Variants in CDK19 observed in about 807,000 individuals in gnomAD.
CDK19 encodes the protein cyclin-dependent kinase 19.
In CDK19, 20 loss-of-function variants were observed where a neutral mutation model predicts 68.3. The observed-to-expected ratio is 0.29, with a 90% CI of 0.21 to 0.43. The LOEUF is 0.43. Among genes scored for constraint, CDK19 ranks in the 20% least tolerant of loss-of-function variants. CDK19 has a pLI of 1.00. For missense variants in CDK19, 339 were observed against 623.5 expected (o/e 0.54, Z 4.86); for synonymous variants, 221 against 222.8 (o/e 0.99, Z 0.07).
intron 2 of CDK19, among the ~76,000 whole-genome samples, chr6:110,709,502 T>C (rs1310035685): frequency 1.2e-5 from 1 of 85,242 alleles, no homozygotes; most frequent in Admixed American, 1.8e-4. Context: ...ACTTAAAGTA[T>C]AATTAAAAAA....
chr6:110,810,752 C>T (rs1222514823), intron 1 of CDK19, among the ~76,000 whole-genome samples: 1 of 145,336 alleles, frequency 6.9e-6, no homozygotes, highest in Non-Finnish European at 1.5e-5. Context: ...CCAGCCTGGG[C>T]AACAAGAGCA....
intron 1 of CDK19, among the ~76,000 whole-genome samples, chr6:110,746,820 A>G (rs1778107415): frequency 6.6e-6 from 1 of 152,240 alleles, no homozygotes; most frequent in Admixed American, 6.5e-5. Context: ...AACAATGGAC[A>G]TAGTATTAGG....
chr6:110,787,372 T>TAAAA (rs112341176), intron 1 of CDK19, among the ~76,000 whole-genome samples: 42,798 of 151,624 alleles, frequency 0.28, 6,680 homozygotes, highest in East Asian at 0.67. Context: ...AGGCTCTGTC[T>TAAAA]AAAACAAACA....
intron 4 of CDK19, among the ~76,000 whole-genome samples, chr6:110,660,058 C>G (rs561391058): frequency 2.1e-4 from 32 of 152,262 alleles, no homozygotes; most frequent in African/African-American, 7.2e-4. Context: ...ACTGGAACTC[C>G]TGGGCTCAAG....
In CDK19 at chr6:110,734,808, G is replaced by C. The variant is rs971602284; in HGVS notation, c.204+11318C>G. On this transcript the variant is annotated intron_variant, in intron 2 of 12. Transcript: ENST00000368911. ...TCTCCTCCAAAACTATAAACTTCTT[G>C]AGGGAAAGGGAAAAACTGTATTCAC... Among the ~76,000 whole-genome samples the C allele has an allele frequency of 4.6e-5, 7 of 152,074 alleles. 1 individual carries two copies. The highest frequency in any genetic ancestry group is 6.8e-3 in the Middle Eastern group (2 of 294).
chr6:110,668,167 T>C (rs1782061589), intron 3 of CDK19, among the ~76,000 whole-genome samples: 1 of 152,174 alleles, frequency 6.6e-6, no homozygotes, highest in Non-Finnish European at 1.5e-5. Context: ...CACGTTATAT[T>C]GTGGGTTATA....
In CDK19 at chr6:110,614,476, C is replaced by A; in HGVS notation, c.*59G>T. Reference sequence around the variant, plus strand: ...TGCATTTTTTTGGTTCTTTTCAATGCAGACATATTGCTGGAGCCTGTGCTC... The same window carrying A: ...TGCATTTTTTTGGTTCTTTTCAATGAAGACATATTGCTGGAGCCTGTGCTC... On this transcript the variant is annotated 3_prime_UTR_variant, in exon 13 of 13. Coordinates refer to ENST00000368911, the MANE Select transcript of CDK19 (RefSeq NM_015076.5). 14 of 1,561,930 alleles carry A rather than the reference C, an allele frequency of 9.0e-6. No homozygotes were observed. The South Asian group carries it at 1.4e-4, about 15-fold the overall frequency.
intron 1 of CDK19, among the ~76,000 whole-genome samples, chr6:110,748,387 A>C (rs1407237837): frequency 6.6e-6 from 1 of 152,254 alleles, no homozygotes; most frequent in East Asian, 1.9e-4. Flanking sequence ...AGGAACAAGG[A>C]ACAAACCCAG....
chr6:110,766,563 G>C (rs1301738244), intron 1 of CDK19, among the ~76,000 whole-genome samples: 1 of 151,974 alleles, frequency 6.6e-6, no homozygotes, highest in Non-Finnish European at 1.5e-5. Flanking sequence ...GGGCAACAGA[G>C]CGAGACTCTG....
chr6:110,796,604 G>A (rs78209225), intron 1 of CDK19, among the ~76,000 whole-genome samples: 9,555 of 152,014 alleles, frequency 0.063, 392 homozygotes, highest in Middle Eastern at 0.13. Flanking sequence ...AGCTGAGACC[G>A]TACCACTGCA....
At position 110,611,730 on chromosome 6, in the gene CDK19, G is replaced by A. The variant is rs896895956; in HGVS notation, c.*2805C>T. 1.3e-5 allele frequency: 2 copies of A among 152,018 alleles called. No homozygotes were observed. Among genetic ancestry groups the A allele is most frequent in the Non-Finnish European group, 2.9e-5 (2 of 68,162 alleles). 9.4% of individuals were successfully genotyped at this position (152,018 alleles called of 1,614,324 possible). The stretch of plus-strand genomic sequence containing the variant: ...GAACCTGGAAGGTGGAGGTTGGAGT[G>A]AGCCAAGATCGTGCCACTGCACTCC... On this transcript the variant is annotated 3_prime_UTR_variant, in exon 13 of 13. Transcript: ENST00000368911.
chr6:110,789,257 T>C (rs1781439350), intron 1 of CDK19, among the ~76,000 whole-genome samples: 1 of 152,138 alleles, frequency 6.6e-6, no homozygotes, highest in African/African-American at 2.4e-5. Context: ...TTTAAGTGTT[T>C]CTGTGCCTAA....
At chr6:110,806,657 T>C (rs540903405) in intron 1 of CDK19, among the ~76,000 whole-genome samples, 1 of 152,284 alleles carries the variant, frequency 6.6e-6, no homozygotes, top group East Asian at 1.9e-4. Flanking sequence ...TATATAGATA[T>C]GTCATAATGT....
chr6:110,698,528 G>T (rs780887686), intron 2 of CDK19, among the ~76,000 whole-genome samples: 1 of 152,178 alleles, frequency 6.6e-6, no homozygotes, highest in Admixed American at 6.5e-5. Flanking sequence ...TGGATATGGT[G>T]AAAAGGGAAT....
rs142198662 is a variant in CDK19 at position 110,708,562 on chromosome 6, C to T, written c.204+37564G>A. Among the ~76,000 whole-genome samples, 318 of 152,304 alleles carry T rather than the reference C, an allele frequency of 2.1e-3. 2 individuals carry two copies. Among genetic ancestry groups the T allele is most frequent in the African/African-American group, 7.4e-3 (307 of 41,568 alleles). On this transcript the variant is annotated intron_variant, in intron 2 of 12. Transcript: ENST00000368911. ...CTAGGTTTGTATGGAAGGGCAGGCT[C>T]TCCGACCAACCTCTAAGCAAGTTTC...
At position 110,619,739 on chromosome 6, in the gene CDK19, C is replaced by A. The variant is rs115923558; in HGVS notation, c.1377+1365G>T. ...TAACTTTCCATCCACTGATCCCCACCCTGCTCTTTGGCTATACCTCTCCAC... is the reference window on the plus strand; with the variant it reads ...TAACTTTCCATCCACTGATCCCCACACTGCTCTTTGGCTATACCTCTCCAC... On this transcript the variant is annotated intron_variant, in intron 12 of 12. Coordinates refer to ENST00000368911, the MANE Select transcript of CDK19 (RefSeq NM_015076.5). Among the ~76,000 whole-genome samples, 956 of 152,002 alleles carry A rather than the reference C, an allele frequency of 6.3e-3. 6 individuals are homozygous for A. Among genetic ancestry groups the A allele is most frequent in the African/African-American group, 0.021 (877 of 41,432 alleles).
At chr6:110,643,255 G>A (rs1484806085) in intron 4 of CDK19, 1 of 1,162,726 alleles carries the variant, frequency 8.6e-7, no homozygotes, top group South Asian at 1.3e-5. Context: ...TTTCCATAGT[G>A]GATTAAAAAC....
At chr6:110,725,979 T>C (rs946716388) in intron 2 of CDK19, among the ~76,000 whole-genome samples, 11 of 152,184 alleles carry the variant, frequency 7.2e-5, no homozygotes, top group Non-Finnish European at 1.5e-4. Context: ...GCATTTCTTT[T>C]TTTTTCAATC....
chr6:110,688,539 C>T (rs1309214180), intron 2 of CDK19, among the ~76,000 whole-genome samples: 1 of 151,978 alleles, frequency 6.6e-6, no homozygotes, highest in Non-Finnish European at 1.5e-5. Flanking sequence ...CAGGCTGCAG[C>T]CTACACCGTG....
Sources: gnomAD v4.1 joint callset for allele counts (sites outside exome capture counted in the v4.1 genomes callset) on GRCh38, gnomAD v4.1.1 for gene constraint, MANE v1.5 for transcripts, NCBI Gene and HGNC (gene_info 2026-07-23, HGNC 2026-07-21) for gene names.